Variants in PHACTR1 observed in about 807,000 individuals in gnomAD.
The protein encoded by PHACTR1 is phosphatase and actin regulator 1, also known as RPEL repeat containing 1.
In PHACTR1, 16 loss-of-function variants were observed where a neutral mutation model predicts 69.2. The ratio of observed to expected loss-of-function variants is 0.23; its 90% confidence interval spans 0.16 to 0.35. The LOEUF (loss-of-function observed/expected upper bound fraction) is 0.35. Among genes scored for constraint, PHACTR1 ranks in the 10% least tolerant of loss-of-function variants. PHACTR1 has a pLI of 1.00. For missense variants in PHACTR1, 510 were observed against 734.7 expected, an observed-to-expected ratio of 0.69 and a Z score of 3.54; for synonymous variants, 312 against 284.5, an observed-to-expected ratio of 1.10 and a Z score of -0.97.
intron 5 of PHACTR1, among the ~76,000 whole-genome samples, chr6:13,076,676 A>G (rs1810524977): frequency 1.3e-5 from 2 of 151,966 alleles, no homozygotes; most frequent in Admixed American, 1.3e-4. Flanking sequence ...ATGGCAACAG[A>G]GCTCTGAGAA....
chr6:12,978,423 C>T (rs985282705), intron 4 of PHACTR1, among the ~76,000 whole-genome samples: 2 of 152,196 alleles, frequency 1.3e-5, no homozygotes, highest in Non-Finnish European at 2.9e-5. Context: ...TGCTGTCTGC[C>T]GTTCCACGCA....
rs1022315999 is a variant in PHACTR1, at chr6:13,031,260, T to C, written c.251-22105T>C. On this transcript the variant is annotated intron_variant, in intron 4 of 14. Coordinates refer to ENST00000332995, the MANE Select transcript of PHACTR1 (RefSeq NM_030948.6). ...AATTGGAACCCCATGTATTCTGATA[T>C]TTTTTTCAATTTGAAAATAGAGTGA... Among the ~76,000 whole-genome samples, 3 of 152,186 alleles carry C rather than the reference T, an allele frequency of 2.0e-5. No homozygotes were observed. The East Asian group carries it at 5.8e-4, about 29-fold the overall frequency.
intron 5 of PHACTR1, among the ~76,000 whole-genome samples, chr6:13,129,121 A>G (rs1303671007): frequency 6.6e-6 from 1 of 152,158 alleles, no homozygotes; most frequent in African/African-American, 2.4e-5. Flanking sequence ...ATTTGCCACT[A>G]CTAAGCCAGC....
At chr6:13,194,463 C>T (rs986210498) in intron 7 of PHACTR1, among the ~76,000 whole-genome samples, 1 of 148,354 alleles carries the variant, frequency 6.7e-6, no homozygotes, top group Non-Finnish European at 1.5e-5. Context: ...GCAATGAATA[C>T]TGTGTAATTT....
intron 3 of PHACTR1, among the ~76,000 whole-genome samples, chr6:12,725,064 G>A (rs1762609184): frequency 6.6e-6 from 1 of 152,090 alleles, no homozygotes; most frequent in Non-Finnish European, 1.5e-5. Context: ...TGCCAGTTTT[G>A]ACAACTGATG....
intron 4 of PHACTR1, among the ~76,000 whole-genome samples, chr6:12,962,144 C>T (rs1446252942): frequency 6.6e-6 from 1 of 151,986 alleles, no homozygotes; most frequent in Non-Finnish European, 1.5e-5. Flanking sequence ...CTACGTTATC[C>T]AGGCTGGTCT....
intron 4 of PHACTR1, among the ~76,000 whole-genome samples, chr6:13,038,488 T>TAA (rs34433834): frequency 2.7e-4 from 33 of 124,170 alleles, no homozygotes; most frequent in East Asian, 7.2e-4. Context: ...TTCAAGTGTT[T>TAA]AAAAAAAAAA....
intron 4 of PHACTR1, among the ~76,000 whole-genome samples, chr6:13,018,960 C>G (rs570221506): frequency 6.6e-6 from 1 of 151,884 alleles, no homozygotes; most frequent in Non-Finnish European, 1.5e-5. Flanking sequence ...TTCAGGCTAT[C>G]CTCCCACCTG....
chr6:13,188,384 G>A (rs983282991), intron 7 of PHACTR1, among the ~76,000 whole-genome samples: 1 of 152,118 alleles, frequency 6.6e-6, no homozygotes, highest in Admixed American at 6.5e-5. Flanking sequence ...CATGTCAGAA[G>A]GAATTAATAA....
chr6:13,186,056 C>T (rs566095895), intron 7 of PHACTR1, among the ~76,000 whole-genome samples: 2 of 152,300 alleles, frequency 1.3e-5, no homozygotes, highest in Non-Finnish European at 2.9e-5. Context: ...GACATGGGCT[C>T]ATGTCAAACT....
At chr6:13,251,300 T>C (rs547457732) in intron 10 of PHACTR1, among the ~76,000 whole-genome samples, 39 of 152,294 alleles carry the variant, frequency 2.6e-4, no homozygotes, top group Non-Finnish European at 4.9e-4. Context: ...ACACAATCAG[T>C]CGTTCCCTCA....
At chr6:13,063,030 C>T (rs1381407579) in intron 5 of PHACTR1, among the ~76,000 whole-genome samples, 1 of 152,198 alleles carries the variant, frequency 6.6e-6, no homozygotes, top group Non-Finnish European at 1.5e-5. Context: ...GTTCCTATTT[C>T]TCATTCTAAC....
Position 12,915,839 on chromosome 6 carries a change from A to G in PHACTR1, c.251-137526A>G, listed in dbSNP as rs76492613. Among the ~76,000 whole-genome samples the G allele has an allele frequency of 8.8e-3, 1,338 of 152,280 alleles. 38 individuals carry two copies. The South Asian group carries it at 0.11, about 13-fold the overall frequency. On this transcript the variant is annotated intron_variant, in intron 4 of 14. Coordinates refer to ENST00000332995, the MANE Select transcript of PHACTR1 (RefSeq NM_030948.6). ...AGTTCATCCTCTTCTTTGCTCTCACATGGACTTTGGCCACAGCCTCATGAC... is the reference window on the plus strand; with the variant it reads ...AGTTCATCCTCTTCTTTGCTCTCACGTGGACTTTGGCCACAGCCTCATGAC...
intron 4 of PHACTR1, among the ~76,000 whole-genome samples, chr6:12,879,601 G>A (rs1782878682): frequency 6.6e-6 from 1 of 152,078 alleles, no homozygotes; most frequent in Non-Finnish European, 1.5e-5. Flanking sequence ...ACTTGATGCA[G>A]GGCTAGGTCA....
intron 10 of PHACTR1, among the ~76,000 whole-genome samples, chr6:13,231,199 AAGG>A (rs1172322894): frequency 6.7e-6 from 1 of 148,198 alleles, no homozygotes; most frequent in Non-Finnish European, 1.5e-5. Context: ...GGAAGGAAAG[AAGG>A]AAGGAAGGAA....
At chr6:12,775,059 T>C (rs979633270) in intron 4 of PHACTR1, among the ~76,000 whole-genome samples, 3 of 152,164 alleles carry the variant, frequency 2.0e-5, no homozygotes, top group African/African-American at 7.2e-5. Flanking sequence ...CCTCACTAGC[T>C]GGAGTGTCCT....
intron 4 of PHACTR1, among the ~76,000 whole-genome samples, chr6:12,834,959 A>G (rs1024655330): frequency 6.6e-6 from 1 of 152,188 alleles, no homozygotes; most frequent in Non-Finnish European, 1.5e-5. Flanking sequence ...TGTATGCTTG[A>G]AAGGCAAAAT....
At chr6:13,053,634 A>T in intron 5 of PHACTR1, 105 bp downstream of exon 5, 1 of 1,349,092 alleles carries the variant, frequency 7.4e-7, no homozygotes, top group Non-Finnish European at 1.0e-6. Context: ...AAAGGAGAAA[A>T]AATATCAAGC....
intron 6 of PHACTR1, among the ~76,000 whole-genome samples, chr6:13,180,807 A>T (rs1762079307): frequency 6.6e-6 from 1 of 152,160 alleles, no homozygotes; most frequent in Non-Finnish European, 1.5e-5. Flanking sequence ...CCATGATGGG[A>T]TAGCGACACA....
Sources: gnomAD v4.1 joint callset for allele counts (sites outside exome capture counted in the v4.1 genomes callset) on GRCh38, gnomAD v4.1.1 for gene constraint, MANE v1.5 for transcripts, NCBI Gene and HGNC (gene_info 2026-07-23, HGNC 2026-07-21) for gene names.